Variants in MTUS2 observed in about 807,000 individuals in gnomAD.
MTUS2 encodes microtubule-associated tumor suppressor candidate 2.
Under a neutral mutation model 114.1 loss-of-function variants are expected in MTUS2, and 40 were observed. That is an observed-to-expected ratio of 0.35 (90% CI 0.27 to 0.46). The LOEUF (loss-of-function observed/expected upper bound fraction) is 0.46, where lower values mean the gene tolerates loss of function less well. MTUS2 is among the 20% of genes least tolerant of loss of function. MTUS2 has a pLI of 1.00. For synonymous variants in MTUS2, 688 were observed against 672.0 expected (o/e 1.02, Z -0.37); for missense variants, 1,679 against 1,705.4 (o/e 0.98, Z 0.27).
At chr13:28,880,181 C>A (rs1035938789) in intron 2 of MTUS2, among the ~76,000 whole-genome samples, 5 of 152,176 alleles carry the variant, frequency 3.3e-5, no homozygotes, top group African/African-American at 1.2e-4. Context: ...GCTGAACTCA[C>A]ACCAACTCTC....
chr13:29,252,128 C>G (rs927345565), intron 5 of MTUS2, among the ~76,000 whole-genome samples: 2 of 152,148 alleles, frequency 1.3e-5, no homozygotes, highest in Non-Finnish European at 2.9e-5. Context: ...GGCCTCTTCT[C>G]CTGTCCAAAC....
At chr13:28,841,843 C>T (rs893217322) in intron 2 of MTUS2, among the ~76,000 whole-genome samples, 4 of 152,142 alleles carry the variant, frequency 2.6e-5, no homozygotes, top group African/African-American at 7.2e-5. Flanking sequence ...CGTGCCACCA[C>T]GCCTGGCTAG....
chr13:28,979,096 A>ATGTTC (rs1384787113), intron 2 of MTUS2, among the ~76,000 whole-genome samples: 1 of 152,212 alleles, frequency 6.6e-6, no homozygotes, highest in Admixed American at 6.5e-5. Flanking sequence ...TTTTAGAATA[A>ATGTTC]CTACCAGATT....
chr13:29,208,652 G>T (rs1420491823), intron 5 of MTUS2, among the ~76,000 whole-genome samples: 2 of 152,088 alleles, frequency 1.3e-5, no homozygotes, highest in Admixed American at 6.5e-5. Flanking sequence ...TTGGTTCAAA[G>T]AATTTTTAAA....
intron 5 of MTUS2, among the ~76,000 whole-genome samples, chr13:29,157,054 A>G (rs1452020696): frequency 1.3e-5 from 2 of 152,212 alleles, no homozygotes; most frequent in East Asian, 1.9e-4. Flanking sequence ...ATCCATGTTC[A>G]TATACGCAGC....
intron 2 of MTUS2, among the ~76,000 whole-genome samples, chr13:28,907,276 C>T (rs2984456): frequency 0.032 from 4,915 of 151,584 alleles, 371 homozygotes; most frequent in African/African-American, 0.11. Flanking sequence ...AAGGAACAAC[C>T]GGTACCAGCC....
chr13:29,355,706 A>G (rs986295762), intron 7 of MTUS2, among the ~76,000 whole-genome samples: 1 of 152,252 alleles, frequency 6.6e-6, no homozygotes, highest in Non-Finnish European at 1.5e-5. Flanking sequence ...GACATGAAGC[A>G]TGCATGTGAA....
At chr13:29,074,351 T>G (rs1889085664) in intron 4 of MTUS2, among the ~76,000 whole-genome samples, 1 of 152,162 alleles carries the variant, frequency 6.6e-6, no homozygotes, top group Non-Finnish European at 1.5e-5. Flanking sequence ...AGGGATCCCC[T>G]CTCCTGTGTG....
In MTUS2 at chr13:29,324,715, T is replaced by C. The variant is rs1242779370; in HGVS notation, c.2905+4T>C. 1 of 1,587,962 alleles carries C rather than the reference T, an allele frequency of 6.3e-7. No individual in the cohort carries two copies. Among genetic ancestry groups the C allele is most frequent in the Non-Finnish European group, 8.6e-7 (1 of 1,164,622 alleles). On this transcript the variant is annotated splice_donor_region_variant and intron_variant, in intron 7 of 15. Transcript: ENST00000612955. Reference sequence around the variant, plus strand: ...ACCACCAAGCTTCATTCACCAGGTATGTAAGAAATATGATGTGTTCCTTGG... The same window carrying C: ...ACCACCAAGCTTCATTCACCAGGTACGTAAGAAATATGATGTGTTCCTTGG...
At chr13:28,996,003 T>A (rs1324028459) in intron 2 of MTUS2, among the ~76,000 whole-genome samples, 1 of 152,242 alleles carries the variant, frequency 6.6e-6, no homozygotes, top group African/African-American at 2.4e-5. Context: ...TTCCAGTTTT[T>A]GTCCATTCAG....
chr13:29,396,618 G>A (rs1317333720), intron 8 of MTUS2, among the ~76,000 whole-genome samples: 1 of 152,192 alleles, frequency 6.6e-6, no homozygotes, highest in Admixed American at 6.5e-5. Context: ...CATATAGTGT[G>A]GCTTAGGAGG....
At chr13:28,863,556 A>G (rs1300348001) in intron 2 of MTUS2, among the ~76,000 whole-genome samples, 1 of 152,188 alleles carries the variant, frequency 6.6e-6, no homozygotes, top group Non-Finnish European at 1.5e-5. Context: ...CTGTCTTCCT[A>G]GGTTTGCCTG....
At chr13:29,403,802 T>G (rs1397851297) in intron 8 of MTUS2, among the ~76,000 whole-genome samples, 1 of 152,192 alleles carries the variant, frequency 6.6e-6, no homozygotes, top group African/African-American at 2.4e-5. Context: ...TCTCAGCCTC[T>G]ACAATTATGT....
intron 8 of MTUS2, among the ~76,000 whole-genome samples, chr13:29,420,521 C>T (rs942419983): frequency 6.6e-6 from 1 of 152,158 alleles, no homozygotes; most frequent in African/African-American, 2.4e-5. Flanking sequence ...CAAGTGATCA[C>T]CTGCCTTGGC....
At chr13:28,974,790 A>G (rs981053608) in intron 2 of MTUS2, among the ~76,000 whole-genome samples, 8 of 152,332 alleles carry the variant, frequency 5.3e-5, no homozygotes, top group Non-Finnish European at 7.3e-5. Context: ...GCTTTTCCAC[A>G]TGTCAAATCC....
intron 3 of MTUS2, among the ~76,000 whole-genome samples, chr13:29,027,773 T>A (rs1042364420): frequency 8.6e-5 from 13 of 151,926 alleles, no homozygotes; most frequent in Admixed American, 7.2e-4. Flanking sequence ...TCTCCTGACC[T>A]CGTGATCCGC....
intron 10 of MTUS2, chr13:29,487,648 T>C: frequency 1.9e-6 from 1 of 524,858 alleles, no homozygotes; most frequent in Non-Finnish European, 3.5e-6. Context: ...CACTCAGGAC[T>C]CTAAAGAGGT....
At chr13:29,116,445 C>G (rs962859159) in intron 5 of MTUS2, among the ~76,000 whole-genome samples, 1 of 152,088 alleles carries the variant, frequency 6.6e-6, no homozygotes, top group Non-Finnish European at 1.5e-5. Context: ...TCTTCCTTAT[C>G]CATTCCTAGG....
chr13:29,365,675 C>A (rs1870650380), intron 8 of MTUS2, among the ~76,000 whole-genome samples: 1 of 152,046 alleles, frequency 6.6e-6, no homozygotes, highest in East Asian at 1.9e-4. Flanking sequence ...AAAGTGCGTG[C>A]CTTTAAGATA....
Sources: allele counts gnomAD v4.1 joint callset (sites outside exome capture counted in the v4.1 genomes callset), GRCh38; gene constraint gnomAD v4.1.1; transcripts MANE v1.5; gene names NCBI Gene and HGNC (gene_info 2026-07-23, HGNC 2026-07-21).